CLPB: variants seen among roughly 807,000 people sequenced by gnomAD.
CLPB encodes the protein mitochondrial disaggregase.
CLPB carries 40 observed loss-of-function variants against 78.4 expected under a neutral mutation model. The ratio of observed to expected loss-of-function variants is 0.51; its 90% CI spans 0.40 to 0.66. CLPB has a LOEUF of 0.66. Among genes scored for constraint, CLPB ranks in the 30% least tolerant of loss-of-function variants. The probability of loss-of-function intolerance (pLI) is 0.00; values close to 1 mark genes in which losing one functional copy is unlikely to be tolerated. For synonymous variants in CLPB, 333 were observed against 348.0 expected, an observed-to-expected ratio of 0.96 and a Z score of 0.48; for missense variants, 780 against 886.9, an observed-to-expected ratio of 0.88 and a Z score of 1.53.
chr11:72,384,865 G>A (rs1034121223), intron 3 of CLPB, among the ~76,000 whole-genome samples: 1 of 152,088 alleles, frequency 6.6e-6, no homozygotes, highest in African/African-American at 2.4e-5. Context: ...AAATATATAT[G>A]CACCTAACAT....
chr11:72,300,301 A>G (rs759672840), intron 11 of CLPB, among the ~76,000 whole-genome samples: 28 of 152,332 alleles, frequency 1.8e-4, no homozygotes, highest in Non-Finnish European at 3.7e-4. Flanking sequence ...CTCTGAAGAC[A>G]GCGAATGGCA....
At chr11:72,336,246 T>C (rs986997820) in intron 5 of CLPB, among the ~76,000 whole-genome samples, 7 of 151,994 alleles carry the variant, frequency 4.6e-5, no homozygotes, top group Admixed American at 3.3e-4. Flanking sequence ...ACAACAACAA[T>C]AACAACAACA....
intron 2 of CLPB, among the ~76,000 whole-genome samples, chr11:72,421,377 G>C (rs1179610028): frequency 6.6e-6 from 1 of 152,130 alleles, no homozygotes; most frequent in Non-Finnish European, 1.5e-5. Flanking sequence ...AATTCGACAT[G>C]AGACAGGAGC....
intron 11 of CLPB, 87 bp from the exon 12 acceptor site, chr11:72,295,735 G>A: frequency 1.6e-5 from 21 of 1,346,816 alleles, no homozygotes; most frequent in Non-Finnish European, 2.2e-5. Context: ...TCCTTCAGGA[G>A]GCCTCCCCAG....
At chr11:72,358,816 ACCCCCC>A in intron 5 of CLPB, 58 bp downstream of exon 5, 1 of 16,464 alleles carries the variant, frequency 6.1e-5, no homozygotes, top group Non-Finnish European at 1.2e-4. Context: ...CCCCTCCTCC[ACCCCCC>A]CCACCCCACC....
chr11:72,343,511 C>G (rs2135575136), intron 5 of CLPB, among the ~76,000 whole-genome samples: 1 of 152,290 alleles, frequency 6.6e-6, no homozygotes, highest in African/African-American at 2.4e-5. Flanking sequence ...GAAGCTTCTG[C>G]CAACAAGGAC....
intron 3 of CLPB, among the ~76,000 whole-genome samples, chr11:72,385,197 C>T (rs1488355256): frequency 1.3e-5 from 2 of 152,156 alleles, no homozygotes; most frequent in South Asian, 4.1e-4. Flanking sequence ...AAGTTTCCTT[C>T]CAAACCTTTG....
At position 72,293,348 on chromosome 11, in the gene CLPB, A is replaced by G. The variant is rs1555084424; in HGVS notation, c.*19T>C. 1.9e-6 allele frequency: 3 copies of G among 1,609,946 alleles called. No homozygotes were observed. The East Asian group carries it at 6.7e-5, about 36-fold the overall frequency. On this transcript the variant is annotated 3_prime_UTR_variant, in exon 16 of 16. Transcript: ENST00000538039. The stretch of plus-strand genomic sequence containing the variant: ...CCTTTATTGGATGGTGAGGGCACAT[A>G]GGAGCAGGCAGGTGGCTGCTAGATG...
intron 6 of CLPB, among the ~76,000 whole-genome samples, chr11:72,326,923 T>C (rs906567822): frequency 3.3e-5 from 5 of 152,206 alleles, no homozygotes; most frequent in Non-Finnish European, 7.3e-5. Context: ...GCCAATGCCG[T>C]TGGCATCCAG....
chr11:72,335,988 G>C (rs564013138), intron 5 of CLPB, among the ~76,000 whole-genome samples: 6 of 152,216 alleles, frequency 3.9e-5, no homozygotes, highest in African/African-American at 1.4e-4. Flanking sequence ...TCAGGCCCCG[G>C]TACCCTCTAT....
intron 5 of CLPB, among the ~76,000 whole-genome samples, chr11:72,349,340 G>T (rs1950571180): frequency 6.6e-6 from 1 of 152,180 alleles, no homozygotes; most frequent in Admixed American, 6.5e-5. Context: ...CAAGTGGCAA[G>T]CTCCTTTTTT....
rs1218680654 is a variant in CLPB at position 72,413,831 on chromosome 11, C to T, written c.456-10779G>A. Among the ~76,000 whole-genome samples the T allele has an allele frequency of 2.0e-5, 3 of 152,136 alleles. No individual in the cohort carries two copies. The East Asian group carries it at 5.8e-4, about 29-fold the overall frequency. On this transcript the variant is annotated intron_variant, in intron 2 of 15. Coordinates refer to ENST00000538039, the MANE Select transcript of CLPB (RefSeq NM_001258392.3). ...TTTTGAGGTACTACTTATTATGCAT[C>T]CATTCGTTCCATAAACTCTTCCTGA...
intron 3 of CLPB, among the ~76,000 whole-genome samples, chr11:72,396,273 C>T (rs543197789): frequency 1.2e-4 from 18 of 152,206 alleles, no homozygotes; most frequent in South Asian, 2.1e-4. Context: ...GAAATGCACT[C>T]GGGGAGAAAA....
At chr11:72,420,245 A>T (rs1163259119) in intron 2 of CLPB, among the ~76,000 whole-genome samples, 2 of 152,216 alleles carry the variant, frequency 1.3e-5, no homozygotes, top group African/African-American at 4.8e-5. Context: ...TCACGCCTGT[A>T]ATCCCAGTAC....
At chr11:72,381,742 GGTCCACACA>G (rs1207581406) in intron 3 of CLPB, among the ~76,000 whole-genome samples, 1 of 151,558 alleles carries the variant, frequency 6.6e-6, no homozygotes, top group Non-Finnish European at 1.5e-5. Flanking sequence ...CAGCCAAGTT[GGTCCACACA>G]GCTCAGAGCT....
intron 3 of CLPB, among the ~76,000 whole-genome samples, chr11:72,389,677 G>T (rs529650059): frequency 8.1e-4 from 123 of 152,322 alleles, no homozygotes; most frequent in African/African-American, 2.9e-3. Context: ...TATAATTCCA[G>T]CACTCTGGGA....
intron 9 of CLPB, among the ~76,000 whole-genome samples, chr11:72,306,573 CAG>C (rs1271819849): frequency 1.3e-5 from 2 of 152,154 alleles, no homozygotes; most frequent in African/African-American, 2.4e-5. Flanking sequence ...TGTGAACAAA[CAG>C]GGGATGGGGA....
At chr11:72,297,703 GAC>G (rs1949581461) in intron 11 of CLPB, among the ~76,000 whole-genome samples, 1 of 107,590 alleles carries the variant, frequency 9.3e-6, no homozygotes, top group Non-Finnish European at 2.1e-5. Flanking sequence ...GTGTGTGTGT[GAC>G]ATGTCCAAGC....
At chr11:72,428,602 C>T (rs914718974) in intron 2 of CLPB, among the ~76,000 whole-genome samples, 4 of 152,100 alleles carry the variant, frequency 2.6e-5, no homozygotes, top group Admixed American at 6.5e-5. Context: ...GGGCTGAGGG[C>T]AGGTCTGTGC....
Sources: gnomAD v4.1 joint callset for allele counts (sites outside exome capture counted in the v4.1 genomes callset) on GRCh38, gnomAD v4.1.1 for gene constraint, MANE v1.5 for transcripts, NCBI Gene and HGNC (gene_info 2026-07-23, HGNC 2026-07-21) for gene names.